CDK14: variants seen among roughly 807,000 people sequenced by gnomAD.
The protein encoded by CDK14 is cyclin-dependent kinase 14.
Under a neutral mutation model 60.7 loss-of-function variants are expected in CDK14, and 34 were observed. That is an observed-to-expected ratio of 0.56 (90% CI 0.43 to 0.75). The LOEUF is 0.75. Ranked by LOEUF, CDK14 falls within the 30% of genes least tolerant of loss-of-function variation. CDK14 has a pLI of 0.00. For missense variants in CDK14, 482 were observed against 564.1 expected, an observed-to-expected ratio of 0.85 and a Z score of 1.47; for synonymous variants, 197 against 203.7, an observed-to-expected ratio of 0.97 and a Z score of 0.28.
chr7:90,704,021 A>C (rs1358879187), intron 2 of CDK14, among the ~76,000 whole-genome samples: 1 of 152,200 alleles, frequency 6.6e-6, no homozygotes, highest in African/African-American at 2.4e-5. Flanking sequence ...TGAAGCTGGG[A>C]GGTCCAGCCT....
At chr7:90,615,914 G>A (rs1293074953) in intron 2 of CDK14, among the ~76,000 whole-genome samples, 1 of 152,158 alleles carries the variant, frequency 6.6e-6, no homozygotes, top group African/African-American at 2.4e-5. Context: ...TAGTTAGGAA[G>A]GGTTGTTATT....
chr7:90,629,755 G>C lies in CDK14; in HGVS notation c.123+25506G>C, dbSNP rs1049455625. Among the ~76,000 whole-genome samples, 6 of 152,240 alleles carry C rather than the reference G, an allele frequency of 3.9e-5. No individual in the cohort carries two copies. In the East Asian group the frequency reaches 1.2e-3, roughly 29 times the overall value. On this transcript the variant is annotated intron_variant, in intron 2 of 14. Coordinates refer to ENST00000380050, the MANE Select transcript of CDK14 (RefSeq NM_001287135.2). ...CCAAAAACCTAACTTGGCTGGGTGCGGTGGCTCACACCTGTAATCTCAGTC... is the reference window on the plus strand; with the variant it reads ...CCAAAAACCTAACTTGGCTGGGTGCCGTGGCTCACACCTGTAATCTCAGTC...
Position 91,182,366 on chromosome 7 carries a change from A to G in CDK14, c.*29-24799A>G, listed in dbSNP as rs1416563200. On this transcript the variant is annotated intron_variant, in intron 14 of 14. Coordinates refer to ENST00000380050, the MANE Select transcript of CDK14 (RefSeq NM_001287135.2). Reference sequence around the variant, plus strand: ...TTCTCATATACCACCAATTAGATAGATAGGTTTTTTTTTCTTTTTAGGATT... The same window carrying G: ...TTCTCATATACCACCAATTAGATAGGTAGGTTTTTTTTTCTTTTTAGGATT... Among the ~76,000 whole-genome samples, 7 of 152,014 alleles carry G rather than the reference A, an allele frequency of 4.6e-5. No individual in the cohort carries two copies. The East Asian group carries it at 1.3e-3, about 29-fold the overall frequency.
intron 8 of CDK14, among the ~76,000 whole-genome samples, chr7:90,936,185 TA>T (rs753330161): frequency 1.6e-4 from 24 of 152,250 alleles, no homozygotes; most frequent in Non-Finnish European, 3.1e-4. Context: ...AAAGTTGCTT[TA>T]TTTTTTTAAC....
intron 10 of CDK14, among the ~76,000 whole-genome samples, chr7:91,003,657 G>A (rs1795902076): frequency 6.6e-6 from 1 of 152,104 alleles, no homozygotes. Context: ...AAATCCAGGA[G>A]CTTCTTCCTA....
rs563854388 is a variant in CDK14 at position 91,146,937 on chromosome 7, C to A, written c.*28+28729C>A. On this transcript the variant is annotated intron_variant, in intron 14 of 14. Coordinates refer to ENST00000380050, the MANE Select transcript of CDK14 (RefSeq NM_001287135.2). ...TTTTAAACACAATATTTAGAATATT[C>A]TATTTCTACAATTTTATGGGACTTT... 9.2e-5 allele frequency among the ~76,000 whole-genome samples: 14 copies of A among 152,122 alleles called. No homozygotes were observed. The East Asian group carries it at 2.7e-3, about 29-fold the overall frequency.
chr7:91,123,930 G>GT (rs1057346548), intron 14 of CDK14, among the ~76,000 whole-genome samples: 13 of 151,606 alleles, frequency 8.6e-5, no homozygotes, highest in Non-Finnish European at 1.0e-4. Context: ...TTTGTTATTT[G>GT]TTTTTTTTAA....
At position 91,041,559 on chromosome 7, in the gene CDK14, C is replaced by G. The variant is rs549568656; in HGVS notation, c.1042-4338C>G. Among the ~76,000 whole-genome samples, 25 of 152,318 alleles carry G rather than the reference C, an allele frequency of 1.6e-4. No homozygotes were observed. In the South Asian group the frequency reaches 4.8e-3, roughly 29 times the overall value. On this transcript the variant is annotated intron_variant, in intron 10 of 14. Coordinates refer to ENST00000380050, the MANE Select transcript of CDK14 (RefSeq NM_001287135.2). Reference sequence around the variant, plus strand: ...AATATACATTTTACATCATGACTCACTATGCACACACACAAAGATGTAACT... The same window carrying G: ...AATATACATTTTACATCATGACTCAGTATGCACACACACAAAGATGTAACT...
At chr7:90,881,724 C>G (rs184661571) in intron 6 of CDK14, among the ~76,000 whole-genome samples, 1 of 152,236 alleles carries the variant, frequency 6.6e-6, no homozygotes, top group East Asian at 1.9e-4. Flanking sequence ...GCCCCTAAGA[C>G]TAACAGTGGA....
At chr7:90,607,943 G>A (rs1271808537) in intron 2 of CDK14, among the ~76,000 whole-genome samples, 1 of 152,106 alleles carries the variant, frequency 6.6e-6, no homozygotes, top group African/African-American at 2.4e-5. Context: ...CTTGATGTTT[G>A]GAAGGGTTTG....
At chr7:90,682,414 T>TTAG (rs1801335670) in intron 2 of CDK14, among the ~76,000 whole-genome samples, 1 of 152,194 alleles carries the variant, frequency 6.6e-6, no homozygotes, top group Non-Finnish European at 1.5e-5. Flanking sequence ...CAATCAATCA[T>TTAG]CTGTCGGTCT....
intron 8 of CDK14, among the ~76,000 whole-genome samples, chr7:90,929,720 AC>A (rs1793531205): frequency 6.6e-6 from 1 of 152,226 alleles, no homozygotes; most frequent in Non-Finnish European, 1.5e-5. Context: ...CCATTGGTGT[AC>A]TTTTATTCCT....
intron 4 of CDK14, among the ~76,000 whole-genome samples, chr7:90,772,178 C>T (rs1442236312): frequency 1.3e-5 from 2 of 152,210 alleles, no homozygotes; most frequent in Non-Finnish European, 2.9e-5. Context: ...GTAAATAGAG[C>T]ACTCCCACTG....
chr7:91,057,900 G>T (rs1006232560), intron 11 of CDK14, among the ~76,000 whole-genome samples: 1 of 152,024 alleles, frequency 6.6e-6, no homozygotes, highest in Admixed American at 6.6e-5. Context: ...CTCTTTTTTG[G>T]TTCCATATGA....
At chr7:90,815,629 G>C (rs1789318649) in intron 5 of CDK14, among the ~76,000 whole-genome samples, 3 of 152,148 alleles carry the variant, frequency 2.0e-5, no homozygotes, top group Non-Finnish European at 4.4e-5. Context: ...TATGTTTATT[G>C]TGGCATTATT....
intron 2 of CDK14, among the ~76,000 whole-genome samples, chr7:90,647,455 G>C (rs1800493340): frequency 6.6e-6 from 1 of 151,042 alleles, no homozygotes; most frequent in African/African-American, 2.4e-5. Flanking sequence ...TTCACTTTAA[G>C]TACGTTAAAA....
At chr7:90,668,087 G>A (rs867633114) in intron 2 of CDK14, among the ~76,000 whole-genome samples, 2 of 152,182 alleles carry the variant, frequency 1.3e-5, no homozygotes, top group South Asian at 2.1e-4. Flanking sequence ...AACTTTTTGC[G>A]GAACTGCACA....
intron 6 of CDK14, among the ~76,000 whole-genome samples, chr7:90,875,446 G>A (rs899177175): frequency 6.6e-6 from 1 of 152,050 alleles, no homozygotes; most frequent in African/African-American, 2.4e-5. Flanking sequence ...TTTCCAAAGT[G>A]GATGCACCAT....
intron 12 of CDK14, among the ~76,000 whole-genome samples, chr7:91,096,076 A>AC (rs1287632368): frequency 1.3e-5 from 2 of 150,358 alleles, no homozygotes; most frequent in East Asian, 1.9e-4. Flanking sequence ...AAAAAAAAAA[A>AC]AAAAAAAAAA....
Sources: gnomAD v4.1 joint callset for allele counts (sites outside exome capture counted in the v4.1 genomes callset) on GRCh38, gnomAD v4.1.1 for gene constraint, MANE v1.5 for transcripts, NCBI Gene and HGNC (gene_info 2026-07-23, HGNC 2026-07-21) for gene names.